The following ULK4 variants were observed in gnomAD, a reference collection of about 807,000 sequenced individuals.
ULK4 encodes the protein unc-51 like kinase 4.
A neutral mutation model predicts 160.6 loss-of-function variants in ULK4; 133 were observed. That is an observed-to-expected ratio of 0.83 (90% CI 0.72 to 0.96). The LOEUF (loss-of-function observed/expected upper bound fraction) is 0.96, where lower values mean the gene tolerates loss of function less well. Among genes scored for constraint, ULK4 ranks in the 40% least tolerant of loss-of-function variants. ULK4 has a pLI of 0.00. For missense variants in ULK4, 1,580 were observed against 1,499.5 expected, an observed-to-expected ratio of 1.05 and a Z score of -0.89; for synonymous variants, 534 against 539.8, an observed-to-expected ratio of 0.99 and a Z score of 0.15.
intron 30 of ULK4, among the ~76,000 whole-genome samples, chr3:41,650,981 C>T (rs1182285891): frequency 6.6e-6 from 1 of 152,140 alleles, no homozygotes; most frequent in Non-Finnish European, 1.5e-5. Context: ...CCTTCTAGCT[C>T]TCTCTTTTTC....
At chr3:41,561,875 A>G (rs2087585952) in intron 32 of ULK4, among the ~76,000 whole-genome samples, 2 of 151,772 alleles carry the variant, frequency 1.3e-5, no homozygotes, top group African/African-American at 4.8e-5. Flanking sequence ...TTCTGCTCTG[A>G]TCTTAGTTAT....
At chr3:41,490,400 T>A (rs2084708191) in intron 32 of ULK4, among the ~76,000 whole-genome samples, 1 of 152,188 alleles carries the variant, frequency 6.6e-6, no homozygotes, top group Admixed American at 6.5e-5. Flanking sequence ...TGTGGTCTCA[T>A]CATTCGCTCC....
intron 22 of ULK4, among the ~76,000 whole-genome samples, chr3:41,723,479 G>C (rs1218035852): frequency 6.6e-6 from 1 of 152,098 alleles, no homozygotes; most frequent in African/African-American, 2.4e-5. Context: ...GGTTGAGGTG[G>C]GAATCTAATT....
At chr3:41,306,034 G>A (rs1232015695) in intron 35 of ULK4, among the ~76,000 whole-genome samples, 20 of 146,276 alleles carry the variant, frequency 1.4e-4, no homozygotes, top group African/African-American at 4.6e-4. Context: ...CAGTCGCCCC[G>A]TCTGAGAAGT....
intron 32 of ULK4, among the ~76,000 whole-genome samples, chr3:41,562,563 T>C (rs1436246222): frequency 6.6e-6 from 1 of 152,234 alleles, no homozygotes; most frequent in African/African-American, 2.4e-5. Flanking sequence ...GGTGCATATA[T>C]ATTTAGGATA....
intron 32 of ULK4, among the ~76,000 whole-genome samples, chr3:41,469,618 A>AAAAAAAAAAAAAAAAAAAAAAAAAAAT (rs2083923400): frequency 6.7e-6 from 1 of 148,606 alleles, no homozygotes; most frequent in Non-Finnish European, 1.5e-5. Context: ...AAAAAAAAAA[A>AAAAAAAAAAAAAAAAAAAAAAAAAAAT]AAAAAAAAAC....
At chr3:41,667,750 G>A (rs1426566415) in intron 29 of ULK4, among the ~76,000 whole-genome samples, 2 of 152,172 alleles carry the variant, frequency 1.3e-5, no homozygotes, top group Non-Finnish European at 1.5e-5. Context: ...TAACCAAGAT[G>A]TCTTTGCTAG....
chr3:41,565,349 T>C (rs1427979245), intron 32 of ULK4, among the ~76,000 whole-genome samples: 1 of 152,236 alleles, frequency 6.6e-6, no homozygotes, highest in Non-Finnish European at 1.5e-5. Context: ...GTTTTTATTT[T>C]GATTGGCAGT....
At chr3:41,406,196 C>T (rs1018161053) in intron 34 of ULK4, among the ~76,000 whole-genome samples, 1 of 152,152 alleles carries the variant, frequency 6.6e-6, no homozygotes, top group African/African-American at 2.4e-5. Flanking sequence ...GGCTAGCCAG[C>T]TATTCCAGCA....
intron 35 of ULK4, among the ~76,000 whole-genome samples, chr3:41,345,224 C>G (rs1172099208): frequency 6.6e-6 from 1 of 152,128 alleles, no homozygotes; most frequent in East Asian, 1.9e-4. Context: ...GGCAATTCCT[C>G]AAAGACCTAG....
At chr3:41,495,768 G>A (rs993784356) in intron 32 of ULK4, among the ~76,000 whole-genome samples, 32 of 151,822 alleles carry the variant, frequency 2.1e-4, no homozygotes, top group African/African-American at 7.0e-4. Flanking sequence ...AGTGGGCAAA[G>A]GATATGAACA....
At chr3:41,585,329 A>G (rs1397894055) in intron 31 of ULK4, among the ~76,000 whole-genome samples, 1 of 152,178 alleles carries the variant, frequency 6.6e-6, no homozygotes, top group African/African-American at 2.4e-5. Context: ...AGACATATAA[A>G]CCAATGGAAC....
chr3:41,258,231 C>A (rs2125674051), intron 35 of ULK4: 1 of 152,276 alleles, frequency 6.6e-6, no homozygotes, highest in Middle Eastern at 3.4e-3. Flanking sequence ...ATTATGGGTC[C>A]ACTCAAAAGT....
chr3:41,396,493 T>C (rs185378957), intron 35 of ULK4, among the ~76,000 whole-genome samples: 177 of 152,256 alleles, frequency 1.2e-3, no homozygotes, highest in African/African-American at 4.1e-3. Flanking sequence ...TTATAGTCTC[T>C]AGTACTTGTC....
At chr3:41,695,781 T>C (rs61382087) in intron 27 of ULK4, among the ~76,000 whole-genome samples, 29,281 of 151,966 alleles carry the variant, frequency 0.19, 7,400 homozygotes, top group African/African-American at 0.59. Flanking sequence ...ATCTAGACCA[T>C]AGACATGATT....
chr3:41,809,534 G>C (rs976344777), intron 19 of ULK4, among the ~76,000 whole-genome samples: 1 of 152,148 alleles, frequency 6.6e-6, no homozygotes, highest in African/African-American at 2.4e-5. Context: ...GCTATGTTTA[G>C]TTCTATTTTT....
intron 30 of ULK4, among the ~76,000 whole-genome samples, chr3:41,648,677 C>G (rs549020624): frequency 6.6e-6 from 1 of 152,254 alleles, no homozygotes; most frequent in African/African-American, 2.4e-5. Flanking sequence ...CTCAATTACC[C>G]CTCTCCACTT....
intron 32 of ULK4, among the ~76,000 whole-genome samples, chr3:41,507,612 CAAAAAAAAA>C (rs71075473): frequency 2.5e-3 from 191 of 75,278 alleles, no homozygotes; most frequent in East Asian, 0.019. Flanking sequence ...AAACCACCAC[CAAAAAAAAA>C]AAAAAAAAAA....
chr3:41,610,440 G>T (rs977577618), intron 31 of ULK4, among the ~76,000 whole-genome samples: 2 of 151,888 alleles, frequency 1.3e-5, no homozygotes, highest in African/African-American at 4.8e-5. Flanking sequence ...TCTTTTTAAC[G>T]TACTCTAAGA....
Sources: allele counts gnomAD v4.1 joint callset (sites outside exome capture counted in the v4.1 genomes callset), GRCh38; gene constraint gnomAD v4.1.1; transcripts MANE v1.5; gene names NCBI Gene and HGNC (gene_info 2026-07-23, HGNC 2026-07-21).